Variants in LRRC7 observed in about 807,000 individuals in gnomAD.
The protein encoded by LRRC7 is leucine-rich repeat-containing protein 7.
In LRRC7, 23 loss-of-function variants were observed where a neutral mutation model predicts 175.7. The ratio of observed to expected loss-of-function variants is 0.13; its 90% CI spans 0.09 to 0.19. LRRC7 has a LOEUF of 0.19. Among genes scored for constraint, LRRC7 ranks in the 10% least tolerant of loss-of-function variants. The pLI, the probability that LRRC7 is intolerant of heterozygous loss-of-function variation, is 1.00. For synonymous variants in LRRC7, 685 were observed against 680.9 expected (o/e 1.01, Z -0.09); for missense variants, 1,354 against 1,904.7 (o/e 0.71, Z 5.38).
chr1:69,962,288 C>A (rs1162614208), intron 8 of LRRC7, among the ~76,000 whole-genome samples: 1 of 152,124 alleles, frequency 6.6e-6, no homozygotes, highest in Non-Finnish European at 1.5e-5. Context: ...CAGTACCACT[C>A]CACACCAGTC....
At chr1:69,679,254 A>G (rs1213990521) in intron 2 of LRRC7, among the ~76,000 whole-genome samples, 1 of 152,094 alleles carries the variant, frequency 6.6e-6, no homozygotes, top group African/African-American at 2.4e-5. Context: ...TATGATAAAA[A>G]TTTGTCAGAA....
intron 2 of LRRC7, among the ~76,000 whole-genome samples, chr1:69,693,794 A>T (rs906810187): frequency 2.0e-5 from 3 of 152,212 alleles, no homozygotes; most frequent in African/African-American, 7.2e-5. Context: ...GGGGGTCTGA[A>T]CTGAGTTGCT....
chr1:69,625,389 T>TTTTTTTTTTTTTTTTGAG (rs1483236177), intron 1 of LRRC7, among the ~76,000 whole-genome samples: 1 of 148,280 alleles, frequency 6.7e-6, no homozygotes, highest in Non-Finnish European at 1.5e-5. Context: ...TTAGGATCTT[T>TTTTTTTTTTTTTTTTGAG]ATCAATTTTG....
At chr1:69,596,150 T>C (rs1168254314) in intron 1 of LRRC7, among the ~76,000 whole-genome samples, 1 of 152,054 alleles carries the variant, frequency 6.6e-6, no homozygotes, top group African/African-American at 2.4e-5. Flanking sequence ...GCAAGTCCAT[T>C]ATAAGAAGAG....
intron 24 of LRRC7, among the ~76,000 whole-genome samples, chr1:70,089,240 A>T (rs1663842783): frequency 6.6e-6 from 1 of 152,202 alleles, no homozygotes; most frequent in Non-Finnish European, 1.5e-5. Context: ...ACAAAGAATT[A>T]TCTAACAAGG....
chr1:69,851,599 C>G (rs1360362961), intron 7 of LRRC7, among the ~76,000 whole-genome samples: 1 of 152,038 alleles, frequency 6.6e-6, no homozygotes, highest in Non-Finnish European at 1.5e-5. Context: ...ACGTTCTCAA[C>G]TAATTTCTTT....
chr1:69,647,664 T>C (rs1209322184), intron 1 of LRRC7, among the ~76,000 whole-genome samples: 2 of 152,174 alleles, frequency 1.3e-5, no homozygotes, highest in African/African-American at 4.8e-5. Flanking sequence ...TGGAAAAATA[T>C]CTTTCAGTTC....
chr1:69,573,875 A>G (rs1408256676), intron 1 of LRRC7, among the ~76,000 whole-genome samples: 1 of 152,202 alleles, frequency 6.6e-6, no homozygotes, highest in Non-Finnish European at 1.5e-5. Flanking sequence ...ATTAACATTG[A>G]CATGATGTGT....
At chr1:69,577,909 C>A (rs1195335145) in intron 1 of LRRC7, among the ~76,000 whole-genome samples, 1 of 152,042 alleles carries the variant, frequency 6.6e-6, no homozygotes. Context: ...TTTTCCAATT[C>A]TTTGAAGAAA....
chr1:69,836,600 T>C (rs1247620619), intron 6 of LRRC7, among the ~76,000 whole-genome samples: 1 of 151,998 alleles, frequency 6.6e-6, no homozygotes, highest in Admixed American at 6.6e-5. Flanking sequence ...TGCTCTATTT[T>C]ATTATTATAA....
chr1:70,049,737 G>A (rs1055252467), intron 22 of LRRC7, among the ~76,000 whole-genome samples: 6 of 151,948 alleles, frequency 3.9e-5, no homozygotes, highest in Non-Finnish European at 7.4e-5. Flanking sequence ...TTTAGATCCA[G>A]GCTTGGCATA....
At chr1:69,727,797 G>T (rs1667137896) in intron 2 of LRRC7, among the ~76,000 whole-genome samples, 1 of 152,068 alleles carries the variant, frequency 6.6e-6, no homozygotes, top group South Asian at 2.1e-4. Context: ...AAATAAATAG[G>T]CTACAATTAT....
chr1:69,995,404 T>A (rs55858638), intron 11 of LRRC7, among the ~76,000 whole-genome samples: 11,349 of 151,704 alleles, frequency 0.075, 902 homozygotes, highest in African/African-American at 0.2. Context: ...CTTTTTTTTT[T>A]AATTTATTAT....
At chr1:69,620,878 A>G (rs945752416) in intron 1 of LRRC7, among the ~76,000 whole-genome samples, 3 of 152,172 alleles carry the variant, frequency 2.0e-5, no homozygotes, top group Admixed American at 6.6e-5. Flanking sequence ...AGTAATACTC[A>G]CAAATATCTT....
intron 7 of LRRC7, among the ~76,000 whole-genome samples, chr1:69,840,426 T>C (rs1681596705): frequency 6.6e-6 from 1 of 152,068 alleles, no homozygotes; most frequent in African/African-American, 2.4e-5. Flanking sequence ...TAACAATAAC[T>C]ATTCTGAGAA....
At chr1:69,636,380 T>C (rs912073498) in intron 1 of LRRC7, among the ~76,000 whole-genome samples, 3 of 151,506 alleles carry the variant, frequency 2.0e-5, no homozygotes, top group African/African-American at 7.3e-5. Flanking sequence ...AAAAAATGAG[T>C]TCTACTATCA....
chr1:69,871,864 A>G (rs1685584728), intron 7 of LRRC7, among the ~76,000 whole-genome samples: 1 of 151,996 alleles, frequency 6.6e-6, no homozygotes, highest in Admixed American at 6.6e-5. Flanking sequence ...TTCCCAGTGT[A>G]CCTATTATAT....
chr1:70,117,466 T>G (rs186799630), intron 26 of LRRC7, among the ~76,000 whole-genome samples: 20 of 152,330 alleles, frequency 1.3e-4, no homozygotes, highest in African/African-American at 4.6e-4. Context: ...AAAGCTCTAC[T>G]TTTTGTTGGA....
At chr1:69,944,369 C>G (rs1649079646) in intron 8 of LRRC7, among the ~76,000 whole-genome samples, 1 of 152,104 alleles carries the variant, frequency 6.6e-6, no homozygotes, top group African/African-American at 2.4e-5. Context: ...TTGATCCACT[C>G]ATTCATCAAT....
Sources: allele counts gnomAD v4.1 joint callset (sites outside exome capture counted in the v4.1 genomes callset), GRCh38; gene constraint gnomAD v4.1.1; transcripts MANE v1.5; gene names NCBI Gene and HGNC (gene_info 2026-07-23, HGNC 2026-07-21).